Variants in SGCD observed in about 807,000 individuals in gnomAD.
SGCD encodes the protein sarcoglycan delta, also known as delta-sarcoglycan.
SGCD carries 18 observed loss-of-function variants against 36.6 expected under a neutral mutation model. The observed-to-expected ratio is 0.49, with a 90% CI of 0.34 to 0.73. The LOEUF is 0.73. SGCD is among the 30% of genes least tolerant of loss of function. The probability of loss-of-function intolerance (pLI) is 0.01; values close to 1 mark genes in which losing one functional copy is unlikely to be tolerated. For synonymous variants in SGCD, 133 were observed against 130.6 expected (o/e 1.02, Z -0.12); for missense variants, 387 against 346.7 (o/e 1.12, Z -0.92).
chr5:155,816,353 A>G, the SGCD span, among the ~76,000 whole-genome samples: 4 of 152,200 alleles, frequency 2.6e-5, no homozygotes, highest in South Asian at 2.1e-4. Context: ...AATATGTATT[A>G]TAATAAAGCA....
rs1169328732 is a variant in SGCD, at chr5:156,482,278, A to C, written c.193-26323A>C. On this transcript the variant is annotated intron_variant, in intron 3 of 8. Coordinates refer to ENST00000337851, the MANE Select transcript of SGCD (RefSeq NM_000337.6). ...AAAATTGAAATCCTGAAAAAAAAAA[A>C]CTGCTAACATATAGAAGATGCTTAA... is the stretch of plus-strand genomic sequence containing the variant. 3.3e-5 allele frequency among the ~76,000 whole-genome samples: 5 copies of C among 152,086 alleles called. No individual in the cohort carries two copies. The East Asian group carries it at 9.6e-4, about 29-fold the overall frequency.
At chr5:155,825,465 G>A in the SGCD span, among the ~76,000 whole-genome samples, 2 of 152,198 alleles carry the variant, frequency 1.3e-5, no homozygotes, top group South Asian at 4.1e-4. Flanking sequence ...TTTTGATTGT[G>A]AAACAAATGC....
intron 1 of SGCD, among the ~76,000 whole-genome samples, chr5:155,905,587 G>A (rs964979694): frequency 1.3e-5 from 2 of 152,018 alleles, no homozygotes; most frequent in African/African-American, 4.8e-5. Context: ...ATTGCATTTG[G>A]CTTTATTGTG....
At chr5:156,395,239 C>T (rs1771787211) in intron 3 of SGCD, among the ~76,000 whole-genome samples, 1 of 152,154 alleles carries the variant, frequency 6.6e-6, no homozygotes, top group African/African-American at 2.4e-5. Flanking sequence ...GAATGCCTTG[C>T]TTGCAGGCTG....
rs532318823 is a variant in SGCD, at chr5:156,764,591, T to G, written c.*5201T>G. ...CTTTTGAGTATTGTTAGAGCATACA[T>G]GTAAAAGAAAATAACCTTTTTGGGG... On this transcript the variant is annotated 3_prime_UTR_variant, in exon 9 of 9. Transcript: ENST00000337851. 1 of 152,740 alleles carries G rather than the reference T, an allele frequency of 6.5e-6. No homozygotes were observed. The highest frequency in any genetic ancestry group is 6.5e-5 in the Admixed American group (1 of 15,304). The allele number at this position is 152,740 out of a possible 1,614,324, so 9.5% of individuals were successfully genotyped here.
intron 3 of SGCD, among the ~76,000 whole-genome samples, chr5:156,224,985 G>A (rs1764814050): frequency 6.6e-6 from 1 of 152,032 alleles, no homozygotes; most frequent in Non-Finnish European, 1.5e-5. Context: ...TTTCCCATTA[G>A]GTTGGCTATT....
chr5:156,228,384 T>A (rs771411862), intron 3 of SGCD, among the ~76,000 whole-genome samples: 1 of 152,188 alleles, frequency 6.6e-6, no homozygotes, highest in Non-Finnish European at 1.5e-5. Flanking sequence ...CCTTTTATCA[T>A]TATATAATGT....
intron 1 of SGCD, among the ~76,000 whole-genome samples, chr5:156,033,141 T>C (rs529096425): frequency 8.6e-5 from 13 of 151,914 alleles, no homozygotes; most frequent in Non-Finnish European, 1.8e-4. Context: ...CTCAAATTTG[T>C]CTGTTTCTTC....
upstream of SGCD, chr5:156,326,839 A>G: frequency 6.6e-6 from 1 of 152,460 alleles, no homozygotes; most frequent in Non-Finnish European, 1.5e-5. Flanking sequence ...TGGTTGTAGA[A>G]GCAGTTTTCT....
At chr5:156,575,699 C>T (rs1392432841) in intron 4 of SGCD, among the ~76,000 whole-genome samples, 1 of 151,980 alleles carries the variant, frequency 6.6e-6, no homozygotes, top group African/African-American at 2.4e-5. Context: ...ATATATAAAG[C>T]AATCATTAAA....
intron 3 of SGCD, among the ~76,000 whole-genome samples, chr5:156,159,180 C>A (rs150792128): frequency 0.012 from 1,857 of 151,478 alleles, 148 homozygotes; most frequent in Admixed American, 0.11. Flanking sequence ...ATGAAATAAC[C>A]AAAGAGCCTT....
intron 3 of SGCD, among the ~76,000 whole-genome samples, chr5:156,191,929 A>T (rs1022680480): frequency 2.6e-5 from 4 of 152,170 alleles, no homozygotes; most frequent in African/African-American, 7.2e-5. Flanking sequence ...GCAAAAACAA[A>T]AACAAAAACA....
intron 1 of SGCD, among the ~76,000 whole-genome samples, chr5:155,967,560 TC>T (rs1302681899): frequency 6.6e-6 from 1 of 152,034 alleles, no homozygotes; most frequent in Non-Finnish European, 1.5e-5. Context: ...GTATGGTTTC[TC>T]CCCCAAGCCA....
chr5:155,820,444 G>A, the SGCD span, among the ~76,000 whole-genome samples: 1 of 152,146 alleles, frequency 6.6e-6, no homozygotes, highest in East Asian at 1.9e-4. Context: ...TAAATTGCTC[G>A]AGCTCTGGAA....
chr5:155,751,555 T>G, the SGCD span, among the ~76,000 whole-genome samples: 1 of 152,028 alleles, frequency 6.6e-6, no homozygotes, highest in East Asian at 1.9e-4. Flanking sequence ...CCAGGCTAAT[T>G]TTTCTATATT....
At chr5:155,774,723 A>G in the SGCD span, among the ~76,000 whole-genome samples, 43 of 152,108 alleles carry the variant, frequency 2.8e-4, no homozygotes, top group Non-Finnish European at 6.2e-4. Flanking sequence ...TCTTGGGATG[A>G]TACCAGGCCC....
At chr5:156,126,092 G>C (rs945727644) in intron 3 of SGCD, among the ~76,000 whole-genome samples, 6 of 151,826 alleles carry the variant, frequency 4.0e-5, no homozygotes, top group African/African-American at 1.5e-4. Context: ...TATTGTCCAC[G>C]CTGGTCTCGA....
intron 7 of SGCD, among the ~76,000 whole-genome samples, chr5:156,750,489 C>T (rs569428057): frequency 6.6e-6 from 1 of 152,052 alleles, no homozygotes; most frequent in South Asian, 2.1e-4. Context: ...ATCAGGCTGG[C>T]CAACATGGTG....
chr5:156,092,570 T>A (rs1761270878), intron 1 of SGCD, among the ~76,000 whole-genome samples: 1 of 152,216 alleles, frequency 6.6e-6, no homozygotes, highest in Non-Finnish European at 1.5e-5. Context: ...TAGAAGGTTG[T>A]TTTGGTCTCT....
Sources: allele counts gnomAD v4.1 joint callset (sites outside exome capture counted in the v4.1 genomes callset), GRCh38; gene constraint gnomAD v4.1.1; transcripts MANE v1.5; gene names NCBI Gene and HGNC (gene_info 2026-07-23, HGNC 2026-07-21).